ADA: variants seen among roughly 807,000 people sequenced by gnomAD.
The protein encoded by ADA is adenosine deaminase.
ADA carries 45 observed loss-of-function variants against 49.0 expected under a neutral mutation model. The observed-to-expected ratio is 0.92, with a 90% CI of 0.72 to 1.18. The LOEUF (loss-of-function observed/expected upper bound fraction) is 1.18. Ranked by LOEUF, ADA falls within the 50% of genes most tolerant of loss-of-function variation. The pLI is 0.00. For synonymous variants in ADA, 173 were observed against 184.2 expected (o/e 0.94, Z 0.49); for missense variants, 445 against 472.5 (o/e 0.94, Z 0.54).
intron 6 of ADA, among the ~76,000 whole-genome samples, chr20:44,623,496 G>A (rs370059897): frequency 1.3e-4 from 20 of 152,310 alleles, no homozygotes; most frequent in South Asian, 4.1e-4. Flanking sequence ...CGCTGGAAGC[G>A]ACTTTTGAGA....
At position 44,621,040 on chromosome 20, in the gene ADA, G is replaced by C. The variant is rs1208384344; in HGVS notation, c.953C>G (p.Thr318Ser). ...CACCAGCCTTTTAAACTCCTCTTCA[G>C]TAAAGCCCATGTCCCGTTTGGTCAT... ...YQMTKRDMGF[T>S]EEEFKRLNIN... Residue 318 changes from threonine to serine, a missense_variant, in exon 10 of 12, where the codon ACT (threonine) becomes AGT (serine). Transcript: ENST00000372874. 6.2e-7 allele frequency: 1 copy of C among 1,613,994 alleles called. No individual in the cohort carries two copies. Among genetic ancestry groups the C allele is most frequent in the Non-Finnish European group, 8.5e-7 (1 of 1,180,042 alleles).
intron 2 of ADA, among the ~76,000 whole-genome samples, chr20:44,635,563 C>T (rs904700921): frequency 2.0e-5 from 3 of 152,172 alleles, no homozygotes; most frequent in Admixed American, 6.5e-5. Flanking sequence ...ACTGGCATCT[C>T]ATGTGAGCAC....
At position 44,636,229 on chromosome 20, in the gene ADA, G is replaced by C. The variant is rs749676433; in HGVS notation, c.93C>G (p.Gly31=). 5.6e-6 allele frequency: 9 copies of C among 1,609,686 alleles called. No homozygotes were observed. The change falls in exon 2 of 12, where the codon GGC becomes GGG. Residue 31 remains glycine, a splice_region_variant and synonymous_variant. Coordinates refer to ENST00000372874, the MANE Select transcript of ADA (RefSeq NM_000022.4). The stretch of plus-strand genomic sequence containing the variant: ...AGGGCTCTTCTGTATGGACTTACCT[G>C]CCATAGTATAAGATGGTTTCAGGCT... ...SIKPETILYY[G]RRRGIALPAN... is the part of the protein sequence containing the mutation.
chr20:44,620,164 G>C (rs2065314360), intron 11 of ADA, 135 bp downstream of exon 11: 3 of 863,264 alleles, frequency 3.5e-6, no homozygotes, highest in Non-Finnish European at 3.9e-6. Context: ...TCCCAGCCAG[G>C]GCCCAGAAAC....
At chr20:44,619,923 C>T (rs1313244888) in intron 11 of ADA, 76 bp from the exon 12 acceptor site, 2 of 1,586,832 alleles carry the variant, frequency 1.3e-6, no homozygotes, top group East Asian at 2.2e-5. Flanking sequence ...CATAGAACAC[C>T]AGAACCAGAA....
intron 1 of ADA, among the ~76,000 whole-genome samples, chr20:44,641,699 G>A (rs1329899648): frequency 1.3e-5 from 2 of 152,114 alleles, no homozygotes; most frequent in African/African-American, 4.8e-5. Flanking sequence ...GCTTGTGGGT[G>A]GGACTGGTGG....
chr20:44,622,850 C>A lies in ADA; in HGVS notation c.759G>T (p.Arg253=). The A allele has an allele frequency of 6.2e-7, 1 of 1,614,234 alleles. No homozygotes were observed. Among genetic ancestry groups the A allele is most frequent in the African/African-American group, 1.3e-5 (1 of 75,062 alleles). The change falls in exon 8 of 12, where the codon CGG becomes CGT. Residue 253 remains arginine (R), a synonymous_variant. Transcript: ENST00000372874. ...TTACCTCGAAGTGCATGTTTTCCTG[C>A]CGCAGCCTGTTATAAAGGGCCTGGT... The part of the protein sequence containing the change: ...LEDQALYNRL[R]QENMHFEICP...
In ADA at chr20:44,622,823, G is replaced by T; in HGVS notation, c.780+6C>A. On this transcript the variant is annotated splice_donor_region_variant and intron_variant, in intron 8 of 11. Transcript: ENST00000372874. The stretch of plus-strand genomic sequence containing the variant: ...ATGGTTCCTCCCCACTCCCTGGCCC[G>T]CTTACCTCGAAGTGCATGTTTTCCT... 1 of 1,614,206 alleles carries T rather than the reference G, an allele frequency of 6.2e-7. No homozygotes were observed. The highest frequency in any genetic ancestry group is 8.5e-7 in the Non-Finnish European group (1 of 1,180,026).
chr20:44,621,192 A>C (rs968180124), intron 9 of ADA, 45 bp from the exon 10 acceptor site: 1 of 1,613,470 alleles, frequency 6.2e-7, no homozygotes, highest in Non-Finnish European at 8.5e-7. Flanking sequence ...TTTTACTCTT[A>C]CATAAATAGT....
chr20:44,623,041 G>A lies in ADA; in HGVS notation c.644C>T (p.Ala215Val). ...VKSGIHRTVH[A>V]GEVGSAEVVK... ...TACTTCGGCCGAGCCCACCTCCCCG[G>A]CGTGGACAGTACGGTGAATGCCGCT... Residue 215 changes from alanine to valine, a missense_variant, in exon 7 of 12, where the codon GCC becomes GTC. Ala to Val is a moderately conservative substitution (Grantham distance 64). Transcript: ENST00000372874. 1 of 1,614,116 alleles carries A rather than the reference G, an allele frequency of 6.2e-7. No individual in the cohort carries two copies. Among genetic ancestry groups the A allele is most frequent in the Non-Finnish European group, 8.5e-7 (1 of 1,179,990 alleles).
intron 3 of ADA, among the ~76,000 whole-genome samples, chr20:44,627,291 T>G (rs1480788303): frequency 6.6e-6 from 1 of 151,984 alleles, no homozygotes; most frequent in South Asian, 2.1e-4. Flanking sequence ...AAGTGATTCG[T>G]CTGCCTCAGC....
intron 2 of ADA, among the ~76,000 whole-genome samples, chr20:44,630,561 C>T (rs1046423466): frequency 2.6e-5 from 4 of 152,022 alleles, no homozygotes; most frequent in South Asian, 2.1e-4. Context: ...CAAGAGAATG[C>T]GGCAGCAACT....
At chr20:44,626,633 T>C in intron 3 of ADA, 34 bp from the exon 4 acceptor site, 1 of 1,612,588 alleles carries the variant, frequency 6.2e-7, no homozygotes, top group Non-Finnish European at 8.5e-7. Flanking sequence ...GGAACAACCT[T>C]CCCCAAGTCC....
At chr20:44,624,110 C>T in intron 6 of ADA, 92 bp downstream of exon 6, 28 of 1,516,548 alleles carry the variant, frequency 1.8e-5, no homozygotes, top group Non-Finnish European at 2.4e-5. Context: ...CAGGAGACAC[C>T]ATGGTCCCTG....
intron 1 of ADA, among the ~76,000 whole-genome samples, chr20:44,638,710 A>G (rs2065503701): frequency 6.6e-6 from 1 of 152,224 alleles, no homozygotes; most frequent in African/African-American, 2.4e-5. Flanking sequence ...TGGGAGAGGC[A>G]TTAAGCAAAT....
intron 2 of ADA, among the ~76,000 whole-genome samples, chr20:44,629,539 C>T (rs2065414578): frequency 6.6e-6 from 1 of 152,334 alleles, no homozygotes; most frequent in South Asian, 2.1e-4. Context: ...CTCCTCAGCC[C>T]CAGGAGCTGG....
At chr20:44,621,840 A>T (rs1013364518) in intron 9 of ADA, among the ~76,000 whole-genome samples, 4 of 151,370 alleles carry the variant, frequency 2.6e-5, no homozygotes, top group African/African-American at 9.7e-5. Flanking sequence ...TGTGCAGATG[A>T]CTCCTGGATC....
At chr20:44,646,064 C>A (rs1430808140) in intron 1 of ADA, among the ~76,000 whole-genome samples, 3 of 152,164 alleles carry the variant, frequency 2.0e-5, no homozygotes, top group Non-Finnish European at 2.9e-5. Flanking sequence ...GGTCCTACTA[C>A]CTTGCCCCGC....
At chr20:44,651,049 G>T (rs1428484323) in intron 1 of ADA, among the ~76,000 whole-genome samples, 4 of 152,172 alleles carry the variant, frequency 2.6e-5, no homozygotes, top group Non-Finnish European at 5.9e-5. Context: ...GGGGAAGGGG[G>T]GTGCTCTGCT....
Sources: gnomAD v4.1 joint callset for allele counts (sites outside exome capture counted in the v4.1 genomes callset) on GRCh38, gnomAD v4.1.1 for gene constraint, MANE v1.5 for transcripts, NCBI Gene and HGNC (gene_info 2026-07-23, HGNC 2026-07-21) for gene names.